Variants in DPP10 observed in about 807,000 individuals in gnomAD.
The protein encoded by DPP10 is dipeptidyl peptidase like 10, also known as inactive dipeptidyl peptidase 10.
A neutral mutation model predicts 120.9 loss-of-function variants in DPP10; 33 were observed. That is an observed-to-expected ratio of 0.27 (90% CI 0.21 to 0.37). DPP10 has a LOEUF of 0.37. DPP10 is among the 10% of genes least tolerant of loss of function. DPP10 has a pLI of 1.00. For synonymous variants in DPP10, 337 were observed against 326.1 expected (o/e 1.03, Z -0.36); for missense variants, 816 against 942.8 (o/e 0.87, Z 1.76).
At chr2:115,182,102 A>G (rs1277739703) in intron 1 of DPP10, among the ~76,000 whole-genome samples, 1 of 152,222 alleles carries the variant, frequency 6.6e-6, no homozygotes, top group Non-Finnish European at 1.5e-5. Context: ...ATGTAGTTAT[A>G]AAATATATTT....
At chr2:115,088,923 C>T (rs1709005304) in intron 1 of DPP10, among the ~76,000 whole-genome samples, 1 of 151,946 alleles carries the variant, frequency 6.6e-6, no homozygotes, top group Non-Finnish European at 1.5e-5. Context: ...TTAATTTTGG[C>T]CTGAATTCCT....
At chr2:115,092,330 TA>T in intron 1 of DPP10, among the ~76,000 whole-genome samples, 1 of 152,316 alleles carries the variant, frequency 6.6e-6, no homozygotes, top group Admixed American at 6.5e-5. Context: ...CCTTTTATCA[TA>T]AAACATCCCA....
intron 1 of DPP10, among the ~76,000 whole-genome samples, chr2:114,738,111 C>T (rs1677643556): frequency 6.6e-6 from 1 of 152,118 alleles, no homozygotes; most frequent in Non-Finnish European, 1.5e-5. Context: ...TTGAAACAAC[C>T]AGATCTCATG....
At chr2:115,375,006 T>A (rs577875958) in intron 3 of DPP10, among the ~76,000 whole-genome samples, 1 of 152,356 alleles carries the variant, frequency 6.6e-6, no homozygotes, top group South Asian at 2.1e-4. Context: ...CTGTTAACAT[T>A]TGGCTTCTCT....
chr2:115,364,455 T>G (rs1288496884), intron 3 of DPP10, among the ~76,000 whole-genome samples: 2 of 152,112 alleles, frequency 1.3e-5, no homozygotes, highest in Non-Finnish European at 2.9e-5. Context: ...GGAGCCGTTG[T>G]TGCTTGTTCG....
chr2:114,538,853 G>A (rs907925172), intron 1 of DPP10, among the ~76,000 whole-genome samples: 1 of 152,086 alleles, frequency 6.6e-6, no homozygotes, highest in African/African-American at 2.4e-5. Context: ...TGGGTTTGCT[G>A]GGGCAAAAGA....
intron 1 of DPP10, among the ~76,000 whole-genome samples, chr2:114,547,301 C>G (rs1038770410): frequency 5.9e-5 from 9 of 152,224 alleles, no homozygotes; most frequent in Admixed American, 2.0e-4. Context: ...CCACTCCTGC[C>G]CAGTCACGGC....
chr2:115,459,938 T>TATATACACAC (rs66927327), intron 3 of DPP10, among the ~76,000 whole-genome samples: 3 of 128,504 alleles, frequency 2.3e-5, no homozygotes, highest in African/African-American at 8.2e-5. Context: ...TATATATATA[T>TATATACACAC]ACACACACAC....
intron 3 of DPP10, among the ~76,000 whole-genome samples, chr2:115,350,045 C>T (rs1014697609): frequency 2.6e-5 from 4 of 151,964 alleles, no homozygotes; most frequent in Non-Finnish European, 4.4e-5. Context: ...GAAGATAACA[C>T]GTATTTTTCT....
rs543162897 is a variant in DPP10, at chr2:114,510,462, G to A, written c.60+67624G>A. 3.9e-5 allele frequency among the ~76,000 whole-genome samples: 6 copies of A among 152,154 alleles called. No individual in the cohort carries two copies. In the East Asian group the frequency reaches 9.7e-4, roughly 25 times the overall value. On this transcript the variant is annotated intron_variant, in intron 1 of 25. Coordinates refer to ENST00000410059, the MANE Select transcript of DPP10 (RefSeq NM_020868.6). ...CTACTAAAAATACAAAAATTAGCTG[G>A]GCATGGTTGTGTGTGCCAGTAATCC...
At chr2:115,004,572 G>A (rs1701677855) in intron 1 of DPP10, among the ~76,000 whole-genome samples, 1 of 152,202 alleles carries the variant, frequency 6.6e-6, no homozygotes, top group African/African-American at 2.4e-5. Flanking sequence ...CAAGGGGTCA[G>A]GGAGTTCCCT....
chr2:114,928,457 G>A (rs1298426807), intron 1 of DPP10, among the ~76,000 whole-genome samples: 2 of 152,094 alleles, frequency 1.3e-5, no homozygotes, highest in Non-Finnish European at 2.9e-5. Context: ...TTGACTACAT[G>A]TCCCACATCC....
intron 5 of DPP10, among the ~76,000 whole-genome samples, chr2:115,540,203 A>T (rs970025103): frequency 6.6e-6 from 1 of 151,950 alleles, no homozygotes; most frequent in Non-Finnish European, 1.5e-5. Context: ...TTTTGTTAAG[A>T]TATAAAATAT....
At chr2:114,607,992 T>C (rs1373420506) in intron 1 of DPP10, among the ~76,000 whole-genome samples, 1 of 152,198 alleles carries the variant, frequency 6.6e-6, no homozygotes. Flanking sequence ...TGTGAGCTGG[T>C]CATGAGCCTC....
intron 3 of DPP10, among the ~76,000 whole-genome samples, chr2:115,457,576 G>T (rs187691606): frequency 6.6e-6 from 1 of 152,070 alleles, no homozygotes; most frequent in Admixed American, 6.6e-5. Flanking sequence ...ATACATACAT[G>T]GAAAGGTGCT....
At chr2:114,938,088 G>A (rs1223608834) in intron 1 of DPP10, among the ~76,000 whole-genome samples, 1 of 152,152 alleles carries the variant, frequency 6.6e-6, no homozygotes, top group African/African-American at 2.4e-5. Flanking sequence ...CACTCATTAA[G>A]TCAGCATTCC....
intron 7 of DPP10, among the ~76,000 whole-genome samples, chr2:115,712,054 G>A (rs1307221543): frequency 6.6e-6 from 1 of 150,986 alleles, no homozygotes; most frequent in Non-Finnish European, 1.5e-5. Context: ...ATGGTTTTGG[G>A]AGATTTAAGA....
At chr2:114,669,298 A>C (rs1489397455) in intron 1 of DPP10, among the ~76,000 whole-genome samples, 1 of 152,204 alleles carries the variant, frequency 6.6e-6, no homozygotes, top group South Asian at 2.1e-4. Context: ...ATGCATATGC[A>C]AAAAGCATTT....
At chr2:115,599,606 C>T (rs753419410) in intron 5 of DPP10, among the ~76,000 whole-genome samples, 20 of 152,072 alleles carry the variant, frequency 1.3e-4, no homozygotes, top group East Asian at 3.8e-4. Context: ...TAGCCTCATA[C>T]GATAATTCTA....
Sources: allele counts gnomAD v4.1 joint callset (sites outside exome capture counted in the v4.1 genomes callset), GRCh38; gene constraint gnomAD v4.1.1; transcripts MANE v1.5; gene names NCBI Gene and HGNC (gene_info 2026-07-23, HGNC 2026-07-21).